Variants in CAMTA1 observed in about 807,000 individuals in gnomAD.
The protein encoded by CAMTA1 is calmodulin binding transcription activator 1.
A neutral mutation model predicts 170.9 loss-of-function variants in CAMTA1; 27 were observed. The observed-to-expected ratio is 0.16, with a 90% CI of 0.12 to 0.22. The LOEUF is 0.22. Among genes scored for constraint, CAMTA1 ranks in the 10% least tolerant of loss-of-function variants. The probability of loss-of-function intolerance (pLI) is 1.00; values close to 1 mark genes in which losing one functional copy is unlikely to be tolerated. For synonymous variants in CAMTA1, 833 were observed against 891.5 expected (o/e 0.93, Z 1.17); for missense variants, 1,619 against 2,217.2 (o/e 0.73, Z 5.42).
At chr1:7,259,762 CG>C (rs1293065848) in intron 5 of CAMTA1, among the ~76,000 whole-genome samples, 3 of 152,150 alleles carry the variant, frequency 2.0e-5, no homozygotes, top group Non-Finnish European at 4.4e-5. Flanking sequence ...TGGCAATGAG[CG>C]ATAGAGAATA....
intron 5 of CAMTA1, among the ~76,000 whole-genome samples, chr1:7,306,620 T>C (rs767563132): frequency 1.7e-4 from 26 of 152,188 alleles, no homozygotes; most frequent in Middle Eastern, 3.4e-3. Flanking sequence ...TACTAATTAC[T>C]TTGCCTTTCA....
chr1:6,920,551 CTGTG>C (rs1681779466), intron 3 of CAMTA1, among the ~76,000 whole-genome samples: 1 of 152,248 alleles, frequency 6.6e-6, no homozygotes, highest in Admixed American at 6.5e-5. Flanking sequence ...AGTAGGGACT[CTGTG>C]TGGGGCTCTA....
rs897025318 is a variant in CAMTA1 at position 7,286,851 on chromosome 1, T to C, written c.438+37225T>C. 1.3e-5 allele frequency among the ~76,000 whole-genome samples: 2 copies of C among 152,166 alleles called. No individual in the cohort carries two copies. Among genetic ancestry groups the C allele is most frequent in the Admixed American group, 6.5e-5 (1 of 15,276 alleles). On this transcript the variant is annotated intron_variant, in intron 5 of 22. Coordinates refer to ENST00000303635, the MANE Select transcript of CAMTA1 (RefSeq NM_015215.4). The surrounding 1 kb of genome is among the most constrained non-coding windows in gnomAD (Gnocchi z 4.2). ...ACTTTCCTAAGCCTCAGTTTCCTCC[T>C]CTGAAAATGAGGACAGAGGTGCTCT...
chr1:7,095,537 A>C (rs1424218781), intron 4 of CAMTA1, among the ~76,000 whole-genome samples: 1 of 151,880 alleles, frequency 6.6e-6, no homozygotes, highest in African/African-American at 2.4e-5. Flanking sequence ...TGGAACTTGA[A>C]CCCAGTATGA....
rs1280981383 is a variant in CAMTA1 at position 7,737,454 on chromosome 1, A to C, written c.3542A>C (p.His1181Pro). The C allele has an allele frequency of 1.9e-6, 3 of 1,614,008 alleles. No individual in the cohort carries two copies. The highest frequency in any genetic ancestry group is 2.5e-6 in the Non-Finnish European group (3 of 1,179,968). ...QAQLGQNPRI[H>P]CPASEEPSTE... ...CAGCTGGGACAGAACCCCAGAATCCACTGTCCTGCAAGCGAAGAGCCCAGC... is the reference window on the plus strand; with the variant it reads ...CAGCTGGGACAGAACCCCAGAATCCCCTGTCCTGCAAGCGAAGAGCCCAGC... Residue 1181 changes from histidine (H) to proline (P), a missense_variant, in exon 15 of 23, where the codon CAC becomes CCC. Around this residue, in one of 8 missense-constraint regions of CAMTA1, gnomAD observed 370 missense variants for 429.4 expected, o/e 0.86. Coordinates refer to ENST00000303635, the MANE Select transcript of CAMTA1 (RefSeq NM_015215.4).
intron 3 of CAMTA1, among the ~76,000 whole-genome samples, chr1:6,960,449 T>C (rs1690186208): frequency 6.6e-6 from 1 of 152,080 alleles, no homozygotes; most frequent in African/African-American, 2.4e-5. Flanking sequence ...TCCCGGTGGC[T>C]GGATTGATTT....
At chr1:7,671,157 C>T (rs1576736151) in intron 10 of CAMTA1, 120 bp downstream of exon 10, 1 of 1,128,762 alleles carries the variant, frequency 8.9e-7, no homozygotes, top group East Asian at 2.4e-5. Flanking sequence ...CCTCAGTTTC[C>T]TCGGCTGTGA....
At chr1:7,291,118 C>A (rs1219664655) in intron 5 of CAMTA1, among the ~76,000 whole-genome samples, 3 of 152,252 alleles carry the variant, frequency 2.0e-5, no homozygotes, top group Non-Finnish European at 4.4e-5. Flanking sequence ...GGGTGGGCTG[C>A]CATATCTGGG....
chr1:6,893,010 G>A (rs1434122314), intron 3 of CAMTA1, among the ~76,000 whole-genome samples: 1 of 152,144 alleles, frequency 6.6e-6, no homozygotes, highest in Non-Finnish European at 1.5e-5. Context: ...GCCGGGCGCG[G>A]TGGCTCACGC....
At chr1:7,339,356 G>A (rs2083623760) in intron 5 of CAMTA1, among the ~76,000 whole-genome samples, 1 of 152,164 alleles carries the variant, frequency 6.6e-6, no homozygotes, top group South Asian at 2.1e-4. Flanking sequence ...TTCAGATACA[G>A]CAGTCAGGGA....
intron 7 of CAMTA1, among the ~76,000 whole-genome samples, chr1:7,654,985 TACACACACCC>T (rs1251060057): frequency 2.5e-5 from 3 of 119,512 alleles, no homozygotes; most frequent in African/African-American, 1.0e-4. Context: ...CACACACCTA[TACACACACCC>T]ACACACACCT....
In CAMTA1 at chr1:7,547,369, C is replaced by A. The variant is rs1256135225; in HGVS notation, c.510+79468C>A. On this transcript the variant is annotated intron_variant, in intron 6 of 22. Coordinates refer to ENST00000303635, the MANE Select transcript of CAMTA1 (RefSeq NM_015215.4). The surrounding 1 kb of genome is among the most constrained non-coding windows in gnomAD (Gnocchi z 5.7). ...ATATGCACACACACACACACACACA[C>A]ACACACACACACACACACACAGAGT... 6.6e-6 allele frequency among the ~76,000 whole-genome samples: 1 copy of A among 151,556 alleles called. No homozygotes were observed. Among genetic ancestry groups the A allele is most frequent in the Admixed American group, 6.6e-5 (1 of 15,206 alleles).
Position 6,889,467 on chromosome 1 carries a change from C to T in CAMTA1, c.234+64257C>T, listed in dbSNP as rs192181498. ...ACTTTTTACTGAAATGGAATTGTAT[C>T]GCTGCTCAGAGGGATGTGGGGAGTA... On this transcript the variant is annotated intron_variant, in intron 3 of 22. Coordinates refer to ENST00000303635, the MANE Select transcript of CAMTA1 (RefSeq NM_015215.4). Among the ~76,000 whole-genome samples the T allele has an allele frequency of 9.2e-5, 14 of 152,282 alleles. 1 individual carries two copies. The highest frequency in any genetic ancestry group is 3.4e-4 in the African/African-American group (14 of 41,544).
At chr1:6,937,940 C>A (rs1174961662) in intron 3 of CAMTA1, among the ~76,000 whole-genome samples, 1 of 152,242 alleles carries the variant, frequency 6.6e-6, no homozygotes, top group East Asian at 1.9e-4. Flanking sequence ...TTATGTATCA[C>A]TTCTTATGTA....
chr1:7,221,663 A>G (rs1660795491), intron 4 of CAMTA1, among the ~76,000 whole-genome samples: 1 of 152,146 alleles, frequency 6.6e-6, no homozygotes, highest in African/African-American at 2.4e-5. Flanking sequence ...CTTTGGATTC[A>G]GACAGTGCTG....
At chr1:7,675,396 G>A (rs2096107627) in intron 10 of CAMTA1, among the ~76,000 whole-genome samples, 1 of 152,208 alleles carries the variant, frequency 6.6e-6, no homozygotes, top group Non-Finnish European at 1.5e-5. Flanking sequence ...GCTTTAAGCA[G>A]GGAGTGGCTT....
chr1:7,316,372 T>C (rs540627839), intron 5 of CAMTA1, among the ~76,000 whole-genome samples: 27 of 152,164 alleles, frequency 1.8e-4, no homozygotes, highest in Non-Finnish European at 3.2e-4. Flanking sequence ...CCAAATAAGG[T>C]CTCTTTTGAG....
chr1:7,640,716 C>G (rs1158023587), intron 7 of CAMTA1, among the ~76,000 whole-genome samples, 163 bp downstream of exon 7: 2 of 152,234 alleles, frequency 1.3e-5, no homozygotes, highest in African/African-American at 2.4e-5. Context: ...CCCACCTTCA[C>G]TTGGCCCCTT....
intron 11 of CAMTA1, among the ~76,000 whole-genome samples, chr1:7,687,576 C>T (rs1299453081): frequency 1.3e-5 from 2 of 152,128 alleles, no homozygotes; most frequent in East Asian, 1.9e-4. Flanking sequence ...CAGGAGATCG[C>T]GTGCCTCCCA....
Sources: allele counts gnomAD v4.1 joint callset (sites outside exome capture counted in the v4.1 genomes callset), GRCh38; gene constraint gnomAD v4.1.1; regional missense constraint gnomAD v4.1.1; non-coding constraint Gnocchi (gnomAD v3.1); transcripts MANE v1.5; gene names NCBI Gene and HGNC (gene_info 2026-07-23, HGNC 2026-07-21).